TES: variants seen among roughly 807,000 people sequenced by gnomAD.
TES encodes the protein testin.
TES carries 41 observed loss-of-function variants against 48.2 expected under a neutral mutation model. The observed-to-expected ratio is 0.85, with a 90% confidence interval of 0.66 to 1.10. The LOEUF (loss-of-function observed/expected upper bound fraction) is 1.10. Among genes scored for constraint, TES ranks in the 50% least tolerant of loss-of-function variants. The pLI is 0.00. For synonymous variants in TES, 162 were observed against 174.9 expected, an observed-to-expected ratio of 0.93 and a Z score of 0.58; for missense variants, 463 against 515.1, an observed-to-expected ratio of 0.90 and a Z score of 0.98.
In TES at chr7:116,257,340, T is replaced by C; in HGVS notation, c.1124T>C (p.Val375Ala). ...GCCATCGACCCAGAAGTGCAGCGGG[T>C]GACCTATAACAATTTCAGCTGGCAT... Reference protein sequence around the residue: ...HNAIDPEVQRVTYNNFSWHAS... With the variant: ...HNAIDPEVQRATYNNFSWHAS... The change falls in exon 7 of 7, where the codon GTG becomes GCG. Residue 375 changes from valine to alanine, a missense_variant. Coordinates refer to ENST00000358204, the MANE Select transcript of TES (RefSeq NM_015641.4). 6.2e-7 allele frequency: 1 copy of C among 1,613,888 alleles called. No individual in the cohort carries two copies. The highest frequency in any genetic ancestry group is 1.1e-5 in the South Asian group (1 of 91,040).
rs1800121809 is a variant in TES at position 116,257,623 on chromosome 7, A to AT, written c.*147dup. On this transcript the variant is annotated 3_prime_UTR_variant, in exon 7 of 7. Transcript: ENST00000358204. ...GAGATTTTGTTTAATTTTTTTGGCC[A>AT]TTTTTTCTTCATCAATTTTTTTTCG... 3 of 833,208 alleles carry AT rather than the reference A, an allele frequency of 3.6e-6. No homozygotes were observed. The highest frequency in any genetic ancestry group is 1.9e-5 in the African/African-American group (1 of 52,052). The allele number at this position is 833,208 out of a possible 1,614,324, so 51.6% of individuals were successfully genotyped here.
At chr7:116,251,455 G>T in intron 4 of TES, 1 of 286,836 alleles carries the variant, frequency 3.5e-6, no homozygotes, top group Non-Finnish European at 6.8e-6. Context: ...GGCTGAGGCG[G>T]GTGAATCACG....
chr7:116,257,483 G>C lies in TES; in HGVS notation c.*1G>C. ...GGAATGTAAGAAGAGGATGTCTTAG[G>C]AGGAGGGCACCCAGAAGTATCGAGC... On this transcript the variant is annotated 3_prime_UTR_variant, in exon 7 of 7. Transcript: ENST00000358204. 1.2e-6 allele frequency: 2 copies of C among 1,601,886 alleles called. No individual in the cohort carries two copies. The highest frequency in any genetic ancestry group is 8.5e-7 in the Non-Finnish European group (1 of 1,173,448).
At chr7:116,240,475 C>T (rs998221073) in intron 2 of TES, among the ~76,000 whole-genome samples, 1 of 151,976 alleles carries the variant, frequency 6.6e-6, no homozygotes, top group Admixed American at 6.6e-5. Context: ...CACTCCTTCC[C>T]TCCCCCTCGC....
chr7:116,228,481 G>A (rs1047905606), intron 1 of TES, among the ~76,000 whole-genome samples: 5 of 152,104 alleles, frequency 3.3e-5, no homozygotes, highest in Non-Finnish European at 5.9e-5. Context: ...AGACTTGTGC[G>A]CTTATGAAAA....
At chr7:116,241,135 C>A (rs1366784311) in intron 2 of TES, among the ~76,000 whole-genome samples, 2 of 152,204 alleles carry the variant, frequency 1.3e-5, no homozygotes, top group African/African-American at 4.8e-5. Context: ...CAGTGGCATC[C>A]TTTTCTTCTC....
At chr7:116,248,380 T>C (rs946808818) in intron 2 of TES, among the ~76,000 whole-genome samples, 3 of 152,224 alleles carry the variant, frequency 2.0e-5, no homozygotes, top group African/African-American at 7.2e-5. Context: ...CAAACTGCTT[T>C]CCACAGTGGC....
chr7:116,254,756 ATATGTG>A (rs370834273), intron 6 of TES, among the ~76,000 whole-genome samples: 18,955 of 143,242 alleles, frequency 0.13, 1,454 homozygotes, highest in East Asian at 0.34. Context: ...AAATATATAT[ATATGTG>A]TGTGTGTGTG....
chr7:116,221,812 GA>G (rs1374152508), intron 1 of TES, among the ~76,000 whole-genome samples: 1 of 152,072 alleles, frequency 6.6e-6, no homozygotes, highest in Admixed American at 6.6e-5. Flanking sequence ...TAAAGTGAAG[GA>G]AAATTAAATT....
intron 1 of TES, among the ~76,000 whole-genome samples, chr7:116,228,009 T>G (rs891972006): frequency 2.6e-4 from 25 of 96,986 alleles, no homozygotes; most frequent in Non-Finnish European, 3.7e-4. Flanking sequence ...CTTTTTTTTG[T>G]TTTTTTTTTT....
Position 116,250,188 on chromosome 7 carries a change from A to C in TES, c.394A>C (p.Lys132Gln), listed in dbSNP as rs759921969. 3 of 1,558,496 alleles carry C rather than the reference A, an allele frequency of 1.9e-6. No homozygotes were observed. Among genetic ancestry groups the C allele is most frequent in the Non-Finnish European group, 2.6e-6 (3 of 1,157,174 alleles). Residue 132 changes from lysine (K) to glutamine (Q), a missense_variant, in exon 4 of 7, where the codon AAG (lysine) becomes CAG (glutamine). Physicochemically the swap from Lys to Gln is moderately conservative, Grantham distance 53. Coordinates refer to ENST00000358204, the MANE Select transcript of TES (RefSeq NM_015641.4). ...LARQYMQMLP[K>Q]EKQPVAGSEG... The stretch of plus-strand genomic sequence containing the variant: ...CAGGCAGTACATGCAGATGCTACCC[A>C]AGGAAAAGCAGCCAGTAGCAGGCTC...
chr7:116,217,988 G>A (rs1039265083), intron 1 of TES: 5 of 470,360 alleles, frequency 1.1e-5, no homozygotes, highest in African/African-American at 9.9e-5. Context: ...AAGTAAAAAA[G>A]CATAGTTTAG....
chr7:116,254,982 CTTAGATCTTTTCATCTTAAA>C lies in TES; in HGVS notation c.1078-2311_1078-2292del, dbSNP rs1174149141. 15 of 147,350 alleles carry C rather than the reference CTTAGATCTTTTCATCTTAAA, an allele frequency of 1.0e-4. No individual in the cohort carries two copies. In the Admixed American group the frequency reaches 1.0e-3, roughly 10 times the overall value. The allele number at this position is 147,350 out of a possible 1,614,324, so 9.1% of individuals were successfully genotyped here. Reference sequence around the variant, plus strand: ...TTATCTAGTTCAGGGCATTGATCTGCTTAGATCTTTTCATCTTAAAGAGAGAAAATACAAATTATTTTTAG... The same window carrying C: ...TTATCTAGTTCAGGGCATTGATCTGCGAGAGAAAATACAAATTATTTTTAG... On this transcript the variant is annotated intron_variant, in intron 6 of 6. Coordinates refer to ENST00000358204, the MANE Select transcript of TES (RefSeq NM_015641.4).
At chr7:116,215,499 A>G (rs1436239931) in intron 1 of TES, among the ~76,000 whole-genome samples, 3 of 152,170 alleles carry the variant, frequency 2.0e-5, no homozygotes, top group Admixed American at 6.5e-5. Context: ...TACGAAAAGT[A>G]AAAGTATTGT....
intron 2 of TES, among the ~76,000 whole-genome samples, chr7:116,236,185 C>T (rs1051371230): frequency 3.5e-4 from 54 of 152,230 alleles, no homozygotes; most frequent in African/African-American, 1.3e-3. Flanking sequence ...TCTATTGGGC[C>T]TATTAGTTAA....
chr7:116,210,985 C>T (rs1799430694), intron 1 of TES: 3 of 326,948 alleles, frequency 9.2e-6, no homozygotes, highest in South Asian at 3.1e-4. Flanking sequence ...GGACTCTTCT[C>T]TCCAGTCTCA....
intron 2 of TES, chr7:116,243,866 C>A (rs1799885401): frequency 6.6e-6 from 1 of 152,112 alleles, no homozygotes; most frequent in Admixed American, 6.6e-5. Flanking sequence ...GGGAAGTCCT[C>A]AGGAAACTTA....
At chr7:116,240,591 C>A (rs564542985) in intron 2 of TES, among the ~76,000 whole-genome samples, 2 of 152,204 alleles carry the variant, frequency 1.3e-5, no homozygotes, top group East Asian at 1.9e-4. Flanking sequence ...TCCTCCATCC[C>A]CACACCTTAG....
At chr7:116,221,636 T>G (rs1351817350) in intron 1 of TES, among the ~76,000 whole-genome samples, 1 of 152,156 alleles carries the variant, frequency 6.6e-6, no homozygotes, top group Admixed American at 6.6e-5. Flanking sequence ...GAAGGAGTCT[T>G]ACAGAAGACT....
Sources: allele counts gnomAD v4.1 joint callset (sites outside exome capture counted in the v4.1 genomes callset), GRCh38; gene constraint gnomAD v4.1.1; transcripts MANE v1.5; gene names NCBI Gene and HGNC (gene_info 2026-07-23, HGNC 2026-07-21).